Variants in SERAC1 observed in about 807,000 individuals in gnomAD.
SERAC1 encodes the protein serine active site containing 1.
SERAC1 carries 36 observed loss-of-function variants against 85.7 expected under a neutral mutation model. That is an observed-to-expected ratio of 0.42 (90% CI 0.32 to 0.55). The LOEUF is 0.55. Among genes scored for constraint, SERAC1 ranks in the 20% least tolerant of loss-of-function variants. SERAC1 has a pLI of 0.11. For missense variants in SERAC1, 629 were observed against 796.2 expected (o/e 0.79, Z 2.53); for synonymous variants, 242 against 265.3 (o/e 0.91, Z 0.85).
At position 158,130,496 on chromosome 6, in the gene SERAC1, A is replaced by T. The variant is rs118093738; in HGVS notation, c.739-10T>A. The T allele has an allele frequency of 1.3e-6, 2 of 1,495,020 alleles. No individual in the cohort carries two copies. The highest frequency in any genetic ancestry group is 2.5e-5 in the South Asian group (2 of 79,070). The allele number at this position is 1,495,020 out of a possible 1,614,324, so 92.6% of individuals were successfully genotyped here. A position where few individuals can be genotyped will look rare whatever the true frequency, so the allele number is the denominator to read the frequency against. ...AACACCATAAACCACCCTGAAATTA[A>T]AATAATTAAAATTTTTACTGAAAAA... On this transcript the variant is annotated splice_polypyrimidine_tract_variant and intron_variant, in intron 8 of 16. Coordinates refer to ENST00000647468, the MANE Select transcript of SERAC1 (RefSeq NM_032861.4).
intron 8 of SERAC1, among the ~76,000 whole-genome samples, chr6:158,134,274 G>T (rs956543717): frequency 6.6e-6 from 1 of 152,192 alleles, no homozygotes; most frequent in African/African-American, 2.4e-5. Flanking sequence ...TCCACTGAAG[G>T]CCTGAAAGCA....
intron 10 of SERAC1, among the ~76,000 whole-genome samples, chr6:158,124,776 CACACACACACACAT>C (rs1348895327): frequency 3.0e-4 from 39 of 130,052 alleles, no homozygotes; most frequent in East Asian, 2.9e-4. Flanking sequence ...CACACACACA[CACACACACACACAT>C]ACACACTCAA....
At chr6:158,116,103 A>AAGAT in intron 14 of SERAC1, 82 bp downstream of exon 14, 1 of 1,125,298 alleles carries the variant, frequency 8.9e-7, no homozygotes, top group Non-Finnish European at 1.3e-6. Flanking sequence ...GTAAAATGGA[A>AAGAT]AGATAAAATA....
Position 158,130,460 on chromosome 6 carries a change from A to C in SERAC1, c.765T>G (p.Asn255Lys). Reference sequence around the variant, plus strand: ...CAAAACTTTCAGCATAAGGAAGTCCATTTCCTCCAAAACACCATAAACCAC... The same window carrying C: ...CAAAACTTTCAGCATAAGGAAGTCCCTTTCCTCCAAAACACCATAAACCAC... Reference protein sequence around the residue: ...QKGGLWCFGGNGLPYAESFGE... With the variant: ...QKGGLWCFGGKGLPYAESFGE... Residue 255 changes from asparagine (N) to lysine (K), a missense_variant, in exon 9 of 17, where the codon AAT becomes AAG. Asn to Lys is a moderately conservative substitution (Grantham distance 94). Transcript: ENST00000647468. 6.2e-7 allele frequency: 1 copy of C among 1,600,398 alleles called. No homozygotes were observed. The highest frequency in any genetic ancestry group is 8.5e-7 in the Non-Finnish European group (1 of 1,175,100).
chr6:158,138,763 G>A (rs1784853807), intron 8 of SERAC1, among the ~76,000 whole-genome samples: 1 of 152,134 alleles, frequency 6.6e-6, no homozygotes. Context: ...AAAAGCAGGG[G>A]CATAAGAATA....
At chr6:158,116,121 G>A in intron 14 of SERAC1, 64 bp downstream of exon 14, 2 of 1,311,340 alleles carry the variant, frequency 1.5e-6, no homozygotes, top group Non-Finnish European at 2.2e-6. Flanking sequence ...ATAACTTTAG[G>A]TTGGCCACAG....
chr6:158,143,051 C>G lies in SERAC1; in HGVS notation c.738+5G>C, dbSNP rs779683683. On this transcript the variant is annotated splice_donor_5th_base_variant and intron_variant, in intron 8 of 16. Transcript: ENST00000647468. Reference sequence around the variant, plus strand: ...AATATTTACTGAATGAATACATGAACTAACCTTCTGAGCAGCTAGACTCTG... The same window carrying G: ...AATATTTACTGAATGAATACATGAAGTAACCTTCTGAGCAGCTAGACTCTG... 1.1e-5 allele frequency: 17 copies of G among 1,605,296 alleles called. No individual in the cohort carries two copies. Among genetic ancestry groups the G allele is most frequent in the Admixed American group, 3.4e-5 (2 of 58,488 alleles).
At chr6:158,142,918 G>A in intron 8 of SERAC1, 138 bp downstream of exon 8, 1 of 650,510 alleles carries the variant, frequency 1.5e-6, no homozygotes, top group Non-Finnish European at 2.7e-6. Flanking sequence ...TGTCATCCCT[G>A]ACATCCAGCC....
At chr6:158,167,223 TAAAAAAA>T (rs34350104) in intron 1 of SERAC1, among the ~76,000 whole-genome samples, 19 of 101,840 alleles carry the variant, frequency 1.9e-4, no homozygotes, top group Middle Eastern at 5.7e-3. Context: ...CACACGATGT[TAAAAAAA>T]AAAAAAAAAA....
rs1785657930 is a variant in SERAC1, at chr6:158,168,209, T to G, written c.-71A>C. The stretch of plus-strand genomic sequence containing the variant: ...CCCGTTGTCTGGGGAGCCCTACTCT[T>G]TCCGCGGCTCCCGGCCGGGACCCTC... On this transcript the variant is annotated 5_prime_UTR_variant, in exon 1 of 17. Transcript: ENST00000647468. The G allele has an allele frequency of 6.6e-6, 1 of 152,224 alleles. No homozygotes were observed. The highest frequency in any genetic ancestry group is 1.5e-5 in the Non-Finnish European group (1 of 68,088). The allele number at this position is 152,224 out of a possible 1,614,324, so 9.4% of individuals were successfully genotyped here.
chr6:158,154,318 C>G (rs1351493948), intron 3 of SERAC1, among the ~76,000 whole-genome samples: 1 of 152,024 alleles, frequency 6.6e-6, no homozygotes, highest in Non-Finnish European at 1.5e-5. Flanking sequence ...CACTATATTC[C>G]TGAATATAAT....
intron 2 of SERAC1, among the ~76,000 whole-genome samples, chr6:158,156,767 T>A (rs1345852411): frequency 7.1e-6 from 1 of 140,290 alleles, no homozygotes; most frequent in Non-Finnish European, 1.5e-5. Flanking sequence ...TAAATATATT[T>A]TATATATAAT....
intron 1 of SERAC1, among the ~76,000 whole-genome samples, chr6:158,164,151 T>C (rs1406665976): frequency 6.6e-6 from 1 of 151,918 alleles, no homozygotes; most frequent in African/African-American, 2.4e-5. Context: ...AATTTTAGAG[T>C]CTGCTTGTCA....
chr6:158,158,829 G>A (rs1178442933), intron 1 of SERAC1: 1 of 152,574 alleles, frequency 6.6e-6, no homozygotes, highest in Non-Finnish European at 1.5e-5. Context: ...AGAATCCATA[G>A]AAGCATTTAG....
rs758745099 is a variant in SERAC1 at position 158,120,489 on chromosome 6, G to C, written c.1102C>G (p.Arg368Gly). The change falls in exon 11 of 17, where the codon CGA (arginine) becomes GGA (glycine). Residue 368 changes from arginine (R) to glycine (G), a missense_variant. Coordinates refer to ENST00000647468, the MANE Select transcript of SERAC1 (RefSeq NM_032861.4). This position sits in a 1 kb window ranked among gnomAD's most constrained non-coding sequence, Gnocchi z 4.4. ...TGATATTTTTCTTGCACAGTTTCTCGGTCTAGATTTGCCAGGATTCTGGCA... is the reference window on the plus strand; with the variant it reads ...TGATATTTTTCTTGCACAGTTTCTCCGTCTAGATTTGCCAGGATTCTGGCA... Reference protein sequence around the residue: ...HAARILANLDRETVQEKYQDG... With the variant: ...HAARILANLDGETVQEKYQDG... 6.2e-7 allele frequency: 1 copy of C among 1,613,714 alleles called. No homozygotes were observed. Among genetic ancestry groups the C allele is most frequent in the South Asian group, 1.1e-5 (1 of 91,032 alleles).
chr6:158,133,136 A>G (rs1784715126), intron 8 of SERAC1, among the ~76,000 whole-genome samples: 1 of 151,942 alleles, frequency 6.6e-6, no homozygotes, highest in Admixed American at 6.6e-5. Flanking sequence ...GTGAAACCCC[A>G]TCTCTACAAA....
At chr6:158,151,727 G>C (rs949646186) in intron 3 of SERAC1, among the ~76,000 whole-genome samples, 22 of 151,998 alleles carry the variant, frequency 1.4e-4, no homozygotes, top group African/African-American at 5.3e-4. Flanking sequence ...GCCCGGCCTC[G>C]AAAATATTTT....
rs73797639 is a variant in SERAC1 at position 158,117,324 on chromosome 6, G to A, written c.1403+403C>T. 3,065 of 603,426 alleles carry A rather than the reference G, an allele frequency of 5.1e-3. 82 individuals carry two copies. Among genetic ancestry groups the A allele is most frequent in the African/African-American group, 0.051 (2,740 of 53,982 alleles). The allele number at this position is 603,426 out of a possible 1,614,324, so 37.4% of individuals were successfully genotyped here. A position where few individuals can be genotyped will look rare whatever the true frequency, so the allele number is the denominator to read the frequency against. On this transcript the variant is annotated intron_variant, in intron 13 of 16. Coordinates refer to ENST00000647468, the MANE Select transcript of SERAC1 (RefSeq NM_032861.4). This position sits in a 1 kb window ranked among gnomAD's most constrained non-coding sequence, Gnocchi z 4.3. ...GCACTCCTTCCCATGTATACAACTG[G>A]CACAGATGACATACAAGGGAAATAG...
chr6:158,123,857 G>A (rs1784474667), intron 10 of SERAC1, among the ~76,000 whole-genome samples: 1 of 152,224 alleles, frequency 6.6e-6, no homozygotes, highest in African/African-American at 2.4e-5. Context: ...AAAGGGGTCT[G>A]TGGATAGAAG....
Sources: gnomAD v4.1 joint callset for allele counts (sites outside exome capture counted in the v4.1 genomes callset) on GRCh38, gnomAD v4.1.1 for gene constraint, Gnocchi (gnomAD v3.1) non-coding constraint, MANE v1.5 for transcripts, NCBI Gene and HGNC (gene_info 2026-07-23, HGNC 2026-07-21) for gene names.